The following NCBP1 variants were observed in gnomAD, a reference collection of about 807,000 sequenced individuals.
NCBP1 encodes the protein nuclear cap-binding protein subunit 1.
A neutral mutation model predicts 111.7 loss-of-function variants in NCBP1; 16 were observed. The observed-to-expected ratio is 0.14, with a 90% CI of 0.10 to 0.22. The LOEUF (loss-of-function observed/expected upper bound fraction) is 0.22. NCBP1 is among the 10% of genes least tolerant of loss of function. The pLI is 1.00. For synonymous variants in NCBP1, 304 were observed against 314.3 expected, an observed-to-expected ratio of 0.97 and a Z score of 0.35; for missense variants, 607 against 957.5, an observed-to-expected ratio of 0.63 and a Z score of 4.83.
chr9:97,633,967 C>T (rs776360609), intron 1 of NCBP1, 52 bp downstream of exon 1: 7 of 1,534,164 alleles, frequency 4.6e-6, no homozygotes, highest in Admixed American at 2.0e-5. Context: ...GGAGCCGAGG[C>T]TCGGCGTCTT....
Position 97,648,020 on chromosome 9 carries a change from C to G in NCBP1, c.694C>G (p.Leu232Val), listed in dbSNP as rs1200521524. Residue 232 changes from leucine to valine, a missense_variant, in exon 8 of 23, where the codon CTG (leucine) becomes GTG (valine). Physicochemically the swap from Leu to Val is conservative, Grantham distance 32 (BLOSUM62 1). Coordinates refer to ENST00000375147, the MANE Select transcript of NCBP1 (RefSeq NM_002486.5). ...PHPQEEYLDC[L>V]WAQIQKLKKD... ...AATCTGTCTTTAGTATTTAGATTGC[C>G]TGTGGGCCCAGATTCAGAAATTGAA... The G allele has an allele frequency of 1.9e-6, 3 of 1,612,604 alleles. No individual in the cohort carries two copies. The Admixed American group carries it at 5.0e-5, about 27-fold the overall frequency.
chr9:97,655,609 G>C (rs903840210), intron 12 of NCBP1, 93 bp from the exon 13 acceptor site: 4 of 947,356 alleles, frequency 4.2e-6, no homozygotes, highest in Admixed American at 2.5e-5. Flanking sequence ...CTGTAAAGTC[G>C]GGTTTTATCT....
intron 16 of NCBP1, among the ~76,000 whole-genome samples, chr9:97,661,630 A>G (rs947083121): frequency 6.6e-6 from 1 of 151,984 alleles, no homozygotes; most frequent in Non-Finnish European, 1.5e-5. Context: ...TCTCTAAGAA[A>G]TTTGTATTAT....
intron 8 of NCBP1, among the ~76,000 whole-genome samples, chr9:97,649,750 T>G (rs1012574969): frequency 1.2e-4 from 18 of 151,896 alleles, no homozygotes; most frequent in Admixed American, 3.9e-4. Flanking sequence ...TTTTTTTTTT[T>G]TGTGCAGGGG....
At chr9:97,664,683 A>T (rs1471999977) in intron 19 of NCBP1, among the ~76,000 whole-genome samples, 1 of 152,232 alleles carries the variant, frequency 6.6e-6, no homozygotes, top group Non-Finnish European at 1.5e-5. Context: ...CCAGTGAAGT[A>T]GAAATCCTGT....
chr9:97,660,316 G>A (rs1020720796), intron 15 of NCBP1, among the ~76,000 whole-genome samples: 1 of 152,046 alleles, frequency 6.6e-6, no homozygotes, highest in Admixed American at 6.5e-5. Flanking sequence ...TGTTGCTCTG[G>A]TGATGCCTTA....
intron 21 of NCBP1, among the ~76,000 whole-genome samples, chr9:97,669,263 C>G (rs1828104710): frequency 6.6e-6 from 1 of 152,130 alleles, no homozygotes; most frequent in East Asian, 1.9e-4. Flanking sequence ...TTCCTCATTG[C>G]TGATCATTTT....
At position 97,643,389 on chromosome 9, in the gene NCBP1, T is replaced by G. The variant is rs1317826587; in HGVS notation, c.381+29T>G. 6 of 1,530,362 alleles carry G rather than the reference T, an allele frequency of 3.9e-6. No homozygotes were observed. The East Asian group carries it at 1.4e-4, about 37-fold the overall frequency. The allele number at this position is 1,530,362 out of a possible 1,614,324, so 94.8% of individuals were successfully genotyped here. A position where few individuals can be genotyped will look rare whatever the true frequency, so the allele number is the denominator to read the frequency against. On this transcript the variant is annotated intron_variant, in intron 4 of 22. Transcript: ENST00000375147. ...AGTTAGTTTGTTTGTTGGTATGTTA[T>G]GACTACTGTTGGGATGGAGGGAAAA...
intron 6 of NCBP1, among the ~76,000 whole-genome samples, chr9:97,646,461 T>C (rs890448708): frequency 1.3e-5 from 2 of 152,228 alleles, no homozygotes; most frequent in Admixed American, 1.3e-4. Flanking sequence ...TTTCATTTTC[T>C]CTTTTTTAAG....
chr9:97,643,430 A>G, intron 4 of NCBP1, 70 bp downstream of exon 4: 1 of 1,379,214 alleles, frequency 7.3e-7, no homozygotes, highest in Non-Finnish European at 9.7e-7. Flanking sequence ...ACTACAACCA[A>G]ATAATTTAAA....
rs201932796 is a variant in NCBP1 at position 97,669,626 on chromosome 9, C to G, written c.2179C>G (p.Arg727Gly). 3.2e-4 allele frequency: 513 copies of G among 1,612,506 alleles called. No individual in the cohort carries two copies. The highest frequency in any genetic ancestry group is 5.0e-4 in the Middle Eastern group (3 of 6,060). ...FIMILTEHLV[R>G]CETDGTSVLT... ...CATGATCTTGACCGAGCACCTAGTA[C>G]GATGCGAAACTGATGGGACCAGTGT... is the stretch of plus-strand genomic sequence containing the variant. The change falls in exon 22 of 23, where the codon CGA (arginine) becomes GGA (glycine). Residue 727 changes from arginine (R) to glycine (G), a missense_variant. By Grantham distance (125) the Arg-to-Gly change is moderately radical (BLOSUM62 -2). Transcript: ENST00000375147.
chr9:97,647,391 T>C (rs956864854), intron 6 of NCBP1, 101 bp from the exon 7 acceptor site: 1 of 880,458 alleles, frequency 1.1e-6, no homozygotes, highest in African/African-American at 1.7e-5. Context: ...GTAGGTAAAA[T>C]GTTATTTCAT....
Position 97,671,287 on chromosome 9 carries a change from G to T in NCBP1, c.*88G>T, listed in dbSNP as rs898411941. The T allele has an allele frequency of 6.4e-6, 6 of 942,144 alleles. No homozygotes were observed. Among genetic ancestry groups the T allele is most frequent in the South Asian group, 1.6e-5 (1 of 62,456 alleles). 58.4% of individuals were successfully genotyped at this position (942,144 alleles called of 1,614,324 possible). Reference sequence around the variant, plus strand: ...TGATGGTTTGAATGCTTGCTTTCTTGTAGTATCCTTTCACTTCTTAAAGGA... The same window carrying T: ...TGATGGTTTGAATGCTTGCTTTCTTTTAGTATCCTTTCACTTCTTAAAGGA... On this transcript the variant is annotated 3_prime_UTR_variant, in exon 23 of 23. Transcript: ENST00000375147.
At chr9:97,645,069 T>C (rs1489351156) in intron 4 of NCBP1, 48 bp from the exon 5 acceptor site, 1 of 1,376,414 alleles carries the variant, frequency 7.3e-7, no homozygotes, top group Non-Finnish European at 1.0e-6. Context: ...TTTGTAGTTA[T>C]TATAAAGAAC....
At chr9:97,654,810 T>C (rs1827601820) in intron 11 of NCBP1, 70 bp from the exon 12 acceptor site, 1 of 1,279,876 alleles carries the variant, frequency 7.8e-7, no homozygotes, top group South Asian at 1.2e-5. Flanking sequence ...ATGTTTTATT[T>C]CTATTCTTGT....
intron 1 of NCBP1, among the ~76,000 whole-genome samples, chr9:97,635,496 C>A (rs766164637): frequency 2.0e-5 from 3 of 151,244 alleles, no homozygotes; most frequent in Non-Finnish European, 2.9e-5. Context: ...CTGCAACCTC[C>A]GCCTCTCAGG....
chr9:97,647,986 T>C, intron 7 of NCBP1, 22 bp from the exon 8 acceptor site: 1 of 1,544,216 alleles, frequency 6.5e-7, no homozygotes, highest in South Asian at 1.2e-5. Context: ...ATATTAATGA[T>C]TAAAAATTAA....
In NCBP1 at chr9:97,641,465, T is replaced by C. The variant is rs1429688492; in HGVS notation, c.124-97T>C. On this transcript the variant is annotated intron_variant, in intron 2 of 22. Coordinates refer to ENST00000375147, the MANE Select transcript of NCBP1 (RefSeq NM_002486.5). ...TTGGTAATGATTTTAAAATGATAGA[T>C]TTTAAAATATGTATATATTTACATT... 6 of 928,978 alleles carry C rather than the reference T, an allele frequency of 6.5e-6. No homozygotes were observed. The African/African-American group carries it at 1.0e-4, about 16-fold the overall frequency. The allele number at this position is 928,978 out of a possible 1,614,324, so 57.5% of individuals were successfully genotyped here.
intron 18 of NCBP1, among the ~76,000 whole-genome samples, chr9:97,663,877 A>AT (rs1837360501): frequency 6.6e-6 from 1 of 151,866 alleles, no homozygotes; most frequent in African/African-American, 2.4e-5. Flanking sequence ...GGGAGAATAA[A>AT]TCTTAAGACC....
Sources: gnomAD v4.1 joint callset for allele counts (sites outside exome capture counted in the v4.1 genomes callset) on GRCh38, gnomAD v4.1.1 for gene constraint, MANE v1.5 for transcripts, NCBI Gene and HGNC (gene_info 2026-07-23, HGNC 2026-07-21) for gene names.